USP30: variants seen among roughly 807,000 people sequenced by gnomAD.
USP30 encodes ubiquitin carboxyl-terminal hydrolase 30.
A neutral mutation model predicts 68.2 loss-of-function variants in USP30; 41 were observed. The observed-to-expected ratio is 0.60, with a 90% CI of 0.47 to 0.78. The LOEUF (loss-of-function observed/expected upper bound fraction) is 0.78, where lower values mean the gene tolerates loss of function less well. Among genes scored for constraint, USP30 ranks in the 30% least tolerant of loss-of-function variants. The probability of loss-of-function intolerance (pLI) is 0.00; values close to 1 mark genes in which losing one functional copy is unlikely to be tolerated. For synonymous variants in USP30, 229 were observed against 253.7 expected, an observed-to-expected ratio of 0.90 and a Z score of 0.93; for missense variants, 522 against 649.4, an observed-to-expected ratio of 0.80 and a Z score of 2.13.
At chr12:109,066,962 C>T (rs986924725) in intron 3 of USP30, among the ~76,000 whole-genome samples, 2 of 152,078 alleles carry the variant, frequency 1.3e-5, no homozygotes, top group African/African-American at 4.8e-5. Context: ...ATACAGGAAT[C>T]GGTTACTTCA....
At chr12:109,054,903 T>TA (rs2040794407) in intron 1 of USP30, 2 of 152,234 alleles carry the variant, frequency 1.3e-5, no homozygotes, top group Non-Finnish European at 2.9e-5. Context: ...AAATGCTGAT[T>TA]ATTATAAAAC....
At chr12:109,038,763 C>A (rs935818490) in intron 3 of USP30, among the ~76,000 whole-genome samples, 1 of 152,148 alleles carries the variant, frequency 6.6e-6, no homozygotes, top group African/African-American at 2.4e-5. Context: ...GCTCCAAATC[C>A]TCACCAACAA....
At chr12:109,039,905 G>A (rs1308884205) in intron 3 of USP30, among the ~76,000 whole-genome samples, 1 of 152,108 alleles carries the variant, frequency 6.6e-6, no homozygotes, top group African/African-American at 2.4e-5. Flanking sequence ...CACCACACCT[G>A]GCCAGCCATT....
At chr12:109,058,795 C>T (rs1031509075) in intron 3 of USP30, among the ~76,000 whole-genome samples, 3 of 152,094 alleles carry the variant, frequency 2.0e-5, no homozygotes, top group Admixed American at 1.3e-4. Flanking sequence ...CTCAAATGTT[C>T]GACTCGACCA....
Position 109,025,403 on chromosome 12 carries a change from T to C in USP30, c.-228+331T>C, listed in dbSNP as rs187416402. 2.6e-3 allele frequency among the ~76,000 whole-genome samples: 390 copies of C among 152,226 alleles called. 2 individuals carry two copies. Among genetic ancestry groups the C allele is most frequent in the Non-Finnish European group, 4.7e-3 (319 of 68,018 alleles). ...TTTTGTCTATCCGGAGAGCTCTGAC[T>C]AATACAGTGCTTATCATTATGTTGC... On this transcript the variant is annotated intron_variant, in intron 2 of 15. Coordinates refer to the USP30 transcript ENST00000392784.
intron 8 of USP30, 189 bp from the exon 9 acceptor site, chr12:109,081,744 A>T (rs1259144105): frequency 3.2e-6 from 2 of 628,768 alleles, no homozygotes; most frequent in Non-Finnish European, 5.6e-6. Flanking sequence ...ATGCTCTAGA[A>T]TCTGTCCGTA....
upstream of USP30, among the ~76,000 whole-genome samples, chr12:109,048,376 G>A (rs754691473): frequency 5.9e-5 from 9 of 151,752 alleles, no homozygotes; most frequent in South Asian, 1.0e-3. Flanking sequence ...GTGAGCCATC[G>A]CGCCTGGCCT....
intron 3 of USP30, among the ~76,000 whole-genome samples, chr12:109,059,807 G>A (rs1387166988): frequency 6.6e-5 from 10 of 152,304 alleles, no homozygotes; most frequent in East Asian, 3.9e-4. Context: ...ACTGCACCTA[G>A]CCCAACTTCA....
At chr12:109,048,060 C>T (rs544510840), upstream of USP30, among the ~76,000 whole-genome samples, 2 of 150,888 alleles carry the variant, frequency 1.3e-5, no homozygotes, top group Admixed American at 6.6e-5. Context: ...ATGGGTCTGA[C>T]GTCTAATAGA....
At chr12:109,068,309 G>A (rs1336598100) in intron 4 of USP30, among the ~76,000 whole-genome samples, 2 of 152,220 alleles carry the variant, frequency 1.3e-5, no homozygotes, top group East Asian at 3.9e-4. Flanking sequence ...TCGTGTAGGC[G>A]TTGTCTGCCG....
At position 109,079,339 on chromosome 12, in the gene USP30, C is replaced by CTTTTTTTTTTCTTTTTTT. The variant is rs2041713719; in HGVS notation, c.721-1985_721-1984insCTTTTTTTTTTTTTTTTT. ...TTTTCTCTTTTTTTCTTTTCTTTTT[C>CTTTTTTTTTTCTTTTTTT]TTTTTTTTTTTCTTTTTTTTTTTTT... On this transcript the variant is annotated intron_variant, in intron 7 of 12. Coordinates refer to ENST00000257548, the MANE Select transcript of USP30 (RefSeq NM_032663.5). 1.5e-3 allele frequency among the ~76,000 whole-genome samples: 94 copies of CTTTTTTTTTTCTTTTTTT among 62,272 alleles called. 3 individuals carry two copies. The highest frequency in any genetic ancestry group is 1.9e-3 in the East Asian group (4 of 2,088). 40.9% of individuals were successfully genotyped at this position (62,272 alleles called of 152,430 possible). A position where few individuals can be genotyped will look rare whatever the true frequency, so the allele number is the denominator to read the frequency against.
chr12:109,058,209 G>A, intron 3 of USP30, 101 bp downstream of exon 3: 1 of 1,206,172 alleles, frequency 8.3e-7, no homozygotes, highest in Non-Finnish European at 1.2e-6. Context: ...TGTAGGAAAA[G>A]ATCATACAGA....
At chr12:109,067,470 G>A in intron 3 of USP30, 54 bp from the exon 4 acceptor site, 1 of 1,493,314 alleles carries the variant, frequency 6.7e-7, no homozygotes. Context: ...CAAGTTTTCT[G>A]GTTAGTTGTT....
rs1034213849 is a variant in USP30 at position 109,085,688 on chromosome 12, G to T, written c.1311G>T (p.Arg437=). The change falls in exon 13 of 13, where the codon CGG becomes CGT. Residue 437 remains arginine (R), a synonymous_variant. Coordinates refer to ENST00000257548, the MANE Select transcript of USP30 (RefSeq NM_032663.5). ...TCAGCTCCTCCACATACCTCTTCCG[G>T]CTGATGGCAGTTGTCGTCCACCATG... The part of the protein sequence containing the change: ...PDYSSSTYLF[R]LMAVVVHHGD... The T allele has an allele frequency of 4.3e-6, 7 of 1,613,960 alleles. No individual in the cohort carries two copies. Among genetic ancestry groups the T allele is most frequent in the Non-Finnish European group, 5.9e-6 (7 of 1,180,022 alleles).
rs538919968 is a variant in USP30 at position 109,086,006 on chromosome 12, C to T, written c.*75C>T. The T allele has an allele frequency of 4.4e-5, 66 of 1,500,786 alleles. No individual in the cohort carries two copies. The highest frequency in any genetic ancestry group is 1.4e-4 in the Admixed American group (7 of 48,296). The allele number at this position is 1,500,786 out of a possible 1,614,324, so 93.0% of individuals were successfully genotyped here. A position where few individuals can be genotyped will look rare whatever the true frequency, so the allele number is the denominator to read the frequency against. On this transcript the variant is annotated 3_prime_UTR_variant, in exon 13 of 13. Transcript: ENST00000257548. Reference sequence around the variant, plus strand: ...GGAAAAAAGTAAAACTGTACTGTTGCGTGTGCAAGCGGCCCCACTAGAGCC... The same window carrying T: ...GGAAAAAAGTAAAACTGTACTGTTGTGTGTGCAAGCGGCCCCACTAGAGCC...
intron 3 of USP30, among the ~76,000 whole-genome samples, chr12:109,047,132 C>T (rs77003385): frequency 1.1e-3 from 162 of 152,074 alleles, no homozygotes; most frequent in African/African-American, 3.6e-3. Flanking sequence ...CCTTTTACTC[C>T]TCCAACGGGT....
In USP30 at chr12:109,086,128, G is replaced by A; in HGVS notation, c.*197G>A. 1.5e-6 allele frequency: 1 copy of A among 683,804 alleles called. No homozygotes were observed. 42.4% of individuals were successfully genotyped at this position (683,804 alleles called of 1,614,324 possible). A position where few individuals can be genotyped will look rare whatever the true frequency, so the allele number is the denominator to read the frequency against. On this transcript the variant is annotated 3_prime_UTR_variant, in exon 13 of 13. Transcript: ENST00000257548. ...TCCCTGAACAGTCCTGTTCATGTGTGTAGGTGGTTCTGTTGTGTTAAGAAA... is the reference window on the plus strand; with the variant it reads ...TCCCTGAACAGTCCTGTTCATGTGTATAGGTGGTTCTGTTGTGTTAAGAAA...
rs145382338 is a variant in USP30, at chr12:109,067,525, C to A, written c.378C>A (p.Ala126=). The change falls in exon 4 of 13, where the codon GCC becomes GCA. Residue 126 remains alanine, a splice_region_variant and synonymous_variant. Transcript: ENST00000257548. Reference sequence around the variant, plus strand: ...TTGTCTTACCTTTTTTGTTTCCAGCCTTGTCCTGCCAAGAAGTTACTGATG... The same window carrying A: ...TTGTCTTACCTTTTTTGTTTCCAGCATTGTCCTGCCAAGAAGTTACTGATG... ...LSLTLLHLLK[A]LSCQEVTDDE... 3,546 of 1,612,980 alleles carry A rather than the reference C, an allele frequency of 2.2e-3. 55 individuals carry two copies. The highest frequency in any genetic ancestry group is 0.016 in the Admixed American group (957 of 59,786).
At chr12:109,048,448 G>A (rs182204837), upstream of USP30, among the ~76,000 whole-genome samples, 2 of 151,890 alleles carry the variant, frequency 1.3e-5, no homozygotes, top group South Asian at 2.1e-4. Flanking sequence ...GGGGTTGAAG[G>A]GGGGTGGAGG....
Sources: allele counts gnomAD v4.1 joint callset (sites outside exome capture counted in the v4.1 genomes callset), GRCh38; gene constraint gnomAD v4.1.1; transcripts MANE v1.5; gene names NCBI Gene and HGNC (gene_info 2026-07-23, HGNC 2026-07-21).